Variants in OSGIN2 observed in about 807,000 individuals in gnomAD.
The protein encoded by OSGIN2 is oxidative stress-induced growth inhibitor 2.
A neutral mutation model predicts 53.8 loss-of-function variants in OSGIN2; 19 were observed. The observed-to-expected ratio is 0.35, with a 90% CI of 0.25 to 0.52. OSGIN2 has a LOEUF of 0.52. Ranked by LOEUF, OSGIN2 falls within the 20% of genes least tolerant of loss-of-function variation. The pLI is 0.95. For synonymous variants in OSGIN2, 236 were observed against 236.0 expected, an observed-to-expected ratio of 1.00 and a Z score of 0.00; for missense variants, 520 against 662.7, an observed-to-expected ratio of 0.78 and a Z score of 2.36.
intron 1 of OSGIN2, 74 bp from the exon 2 acceptor site, chr8:89,909,493 C>T (rs940384247): frequency 2.7e-6 from 2 of 728,984 alleles, no homozygotes; most frequent in African/African-American, 1.8e-5. Flanking sequence ...TAAATAAACT[C>T]GGAGTAGAGA....
Position 89,927,308 on chromosome 8 carries a change from G to C in OSGIN2, c.*1776G>C, listed in dbSNP as rs200821983. On this transcript the variant is annotated 3_prime_UTR_variant, in exon 6 of 6. Transcript: ENST00000451899. ...AGAGTATTTGTTAAAAAAAAAAAAA[G>C]ACTTCAAGAAAAATAAAAGTTCAGT... 7.1e-6 allele frequency: 1 copy of C among 140,730 alleles called. No homozygotes were observed. The highest frequency in any genetic ancestry group is 7.1e-5 in the Admixed American group (1 of 14,098). 8.7% of individuals were successfully genotyped at this position (140,730 alleles called of 1,614,324 possible).
intron 4 of OSGIN2, among the ~76,000 whole-genome samples, chr8:89,914,991 G>A (rs992601090): frequency 6.6e-6 from 1 of 152,108 alleles, no homozygotes; most frequent in Non-Finnish European, 1.5e-5. Context: ...CAAGAATTAT[G>A]TAGAAAACAT....
At chr8:89,920,892 G>A (rs1033565400) in intron 4 of OSGIN2, among the ~76,000 whole-genome samples, 188 bp from the exon 5 acceptor site, 1 of 152,086 alleles carries the variant, frequency 6.6e-6, no homozygotes, top group Non-Finnish European at 1.5e-5. Flanking sequence ...AAGTGATGAA[G>A]GTATATGAAA....
chr8:89,924,508 T>TA lies in OSGIN2; in HGVS notation c.630dup (p.Gly211ArgfsTer14). ...TTTTCCTTTTCCTTTTTTAGGAGCC[T>TA]AAAAGGGGATCGAGTTATGCCAGAG... On this transcript the variant is annotated frameshift_variant, in exon 6 of 6. Coordinates refer to ENST00000451899, the MANE Select transcript of OSGIN2 (RefSeq NM_001126111.3). LOFTEE classifies it high-confidence loss of function. 1.9e-6 allele frequency: 3 copies of TA among 1,596,612 alleles called. No individual in the cohort carries two copies. Among genetic ancestry groups the TA allele is most frequent in the Non-Finnish European group, 8.5e-7 (1 of 1,172,900 alleles).
rs940807289 is a variant in OSGIN2, at chr8:89,927,785, A to G, written c.*2253A>G. On this transcript the variant is annotated 3_prime_UTR_variant, in exon 6 of 6. Coordinates refer to ENST00000451899, the MANE Select transcript of OSGIN2 (RefSeq NM_001126111.3). ...TTTTGAAAATCTAGTTCTATGTAAT[A>G]TATTTCTGTGGCATCAAATTTTAGT... is the stretch of plus-strand genomic sequence containing the variant. The G allele has an allele frequency of 9.9e-5, 15 of 152,236 alleles. No homozygotes were observed. The highest frequency in any genetic ancestry group is 3.4e-4 in the African/African-American group (14 of 41,470). 9.4% of individuals were successfully genotyped at this position (152,236 alleles called of 1,614,324 possible). A position where few individuals can be genotyped will look rare whatever the true frequency, so the allele number is the denominator to read the frequency against.
At chr8:89,922,976 A>G (rs1051116234) in intron 5 of OSGIN2, among the ~76,000 whole-genome samples, 1 of 152,162 alleles carries the variant, frequency 6.6e-6, no homozygotes, top group African/African-American at 2.4e-5. Context: ...AAAATACGAT[A>G]TAAAAGATTT....
In OSGIN2 at chr8:89,905,242, C is replaced by T. The variant is rs565241574; in HGVS notation, c.44+2405C>T. Among the ~76,000 whole-genome samples, 3 of 152,070 alleles carry T rather than the reference C, an allele frequency of 2.0e-5. No homozygotes were observed. In the South Asian group the frequency reaches 6.2e-4, roughly 32 times the overall value. ...AGGCCTCTAAAAGCATCTTAAATGT[C>T]AAATAGGCTTTTAACTTGCTTCCTA... On this transcript the variant is annotated intron_variant, in intron 1 of 5. Coordinates refer to ENST00000451899, the MANE Select transcript of OSGIN2 (RefSeq NM_001126111.3).
In OSGIN2 at chr8:89,925,727, C is replaced by G. The variant is rs1809310908; in HGVS notation, c.*195C>G. The G allele has an allele frequency of 2.0e-6, 1 of 494,818 alleles. No homozygotes were observed. The allele number at this position is 494,818 out of a possible 1,614,324, so 30.7% of individuals were successfully genotyped here. ...TGCAGTGTTTCAAAGGTGTCACTGT[C>G]AGACAAATAGAAACACTGCCAACTT... On this transcript the variant is annotated 3_prime_UTR_variant, in exon 6 of 6. Coordinates refer to ENST00000451899, the MANE Select transcript of OSGIN2 (RefSeq NM_001126111.3).
chr8:89,915,736 C>G (rs1001705098), intron 4 of OSGIN2, among the ~76,000 whole-genome samples: 1 of 152,134 alleles, frequency 6.6e-6, no homozygotes, highest in Non-Finnish European at 1.5e-5. Context: ...GTACAAACTT[C>G]GGTTGGCTGT....
intron 4 of OSGIN2, 81 bp from the exon 5 acceptor site, chr8:89,920,999 A>G: frequency 1.3e-6 from 1 of 796,646 alleles, no homozygotes; most frequent in South Asian, 1.7e-5. Flanking sequence ...AATGAGATGG[A>G]TATGGTTAAA....
intron 5 of OSGIN2, among the ~76,000 whole-genome samples, 191 bp from the exon 6 acceptor site, chr8:89,924,312 A>G (rs990075014): frequency 6.6e-6 from 1 of 152,178 alleles, no homozygotes; most frequent in African/African-American, 2.4e-5. Flanking sequence ...ACTTCTTCCA[A>G]TTTTTTGCTA....
chr8:89,913,675 A>G (rs1316378519), intron 2 of OSGIN2, among the ~76,000 whole-genome samples: 1 of 152,182 alleles, frequency 6.6e-6, no homozygotes, highest in Non-Finnish European at 1.5e-5. Context: ...CTAGTACCAT[A>G]CTTTGAGATA....
intron 4 of OSGIN2, 31 bp from the exon 5 acceptor site, chr8:89,921,049 A>G: frequency 7.8e-7 from 1 of 1,279,732 alleles, no homozygotes; most frequent in Non-Finnish European, 1.1e-6. Context: ...TTGTTTTTTG[A>G]CGGTACATTT....
intron 4 of OSGIN2, among the ~76,000 whole-genome samples, chr8:89,920,797 T>A (rs1380470989): frequency 6.6e-6 from 1 of 152,222 alleles, no homozygotes; most frequent in Non-Finnish European, 1.5e-5. Context: ...ACCAAAGTTA[T>A]CAACATTGTG....
In OSGIN2 at chr8:89,927,181, T is replaced by C. The variant is rs1332927718; in HGVS notation, c.*1649T>C. ...TGTTTTTCTTACTGTCACTTCTAAA[T>C]AGAAAATGACAGTGTTATAAAAAAG... is the stretch of plus-strand genomic sequence containing the variant. On this transcript the variant is annotated 3_prime_UTR_variant, in exon 6 of 6. Transcript: ENST00000451899. The C allele has an allele frequency of 1.3e-5, 2 of 151,868 alleles. No homozygotes were observed. Among genetic ancestry groups the C allele is most frequent in the South Asian group, 2.1e-4 (1 of 4,828 alleles). The allele number at this position is 151,868 out of a possible 1,614,324, so 9.4% of individuals were successfully genotyped here. A position where few individuals can be genotyped will look rare whatever the true frequency, so the allele number is the denominator to read the frequency against.
rs1809331075 is a variant in OSGIN2, at chr8:89,926,270, A to C, written c.*738A>C. The C allele has an allele frequency of 6.6e-6, 1 of 152,650 alleles. No homozygotes were observed. Among genetic ancestry groups the C allele is most frequent in the South Asian group, 2.1e-4 (1 of 4,836 alleles). The allele number at this position is 152,650 out of a possible 1,614,324, so 9.5% of individuals were successfully genotyped here. On this transcript the variant is annotated 3_prime_UTR_variant, in exon 6 of 6. Transcript: ENST00000451899. ...ATTCTTCTAATAATTTAAACAGTCC[A>C]ATAATGTGGTATACACTTTGACATC...
intron 1 of OSGIN2, among the ~76,000 whole-genome samples, chr8:89,903,893 G>A (rs2130684733): frequency 6.6e-6 from 1 of 152,240 alleles, no homozygotes; most frequent in Admixed American, 6.5e-5. Context: ...TACTTTTTAT[G>A]ACTGTTTTAA....
intron 4 of OSGIN2, among the ~76,000 whole-genome samples, chr8:89,917,007 ATTTCT>A (rs1809093880): frequency 1.3e-5 from 2 of 151,968 alleles, no homozygotes; most frequent in African/African-American, 4.8e-5. Context: ...GACTGTCTCC[ATTTCT>A]GGCTTTTTTA....
At chr8:89,920,385 G>T (rs943887432) in intron 4 of OSGIN2, among the ~76,000 whole-genome samples, 2 of 152,196 alleles carry the variant, frequency 1.3e-5, no homozygotes, top group African/African-American at 2.4e-5. Flanking sequence ...CTGCCTAAAA[G>T]AGTTGATTGA....
Sources: allele counts gnomAD v4.1 joint callset (sites outside exome capture counted in the v4.1 genomes callset), GRCh38; gene constraint gnomAD v4.1.1; transcripts MANE v1.5; gene names NCBI Gene and HGNC (gene_info 2026-07-23, HGNC 2026-07-21).